CHCHD3: variants seen among roughly 807,000 people sequenced by gnomAD.
CHCHD3 encodes the protein coiled-coil-helix-coiled-coil-helix domain containing 3.
In CHCHD3, 20 loss-of-function variants were observed where a neutral mutation model predicts 38.2. That is an observed-to-expected ratio of 0.52 (90% CI 0.37 to 0.76). The LOEUF is 0.76. CHCHD3 is among the 30% of genes least tolerant of loss of function. The pLI, the probability that CHCHD3 is intolerant of heterozygous loss-of-function variation, is 0.00. For missense variants in CHCHD3, 245 were observed against 279.2 expected, an observed-to-expected ratio of 0.88 and a Z score of 0.87; for synonymous variants, 82 against 100.0, an observed-to-expected ratio of 0.82 and a Z score of 1.07.
At chr7:132,842,162 C>T (rs1387362300) in intron 5 of CHCHD3, among the ~76,000 whole-genome samples, 1 of 151,982 alleles carries the variant, frequency 6.6e-6, no homozygotes, top group Non-Finnish European at 1.5e-5. Context: ...CTCCCACCTC[C>T]CTCCAAAGGG....
At chr7:132,953,313 CG>C (rs1167942065) in intron 4 of CHCHD3, among the ~76,000 whole-genome samples, 4 of 152,164 alleles carry the variant, frequency 2.6e-5, no homozygotes, top group Non-Finnish European at 5.9e-5. Context: ...TGTCTACCTT[CG>C]GGGAGGCTCT....
chr7:132,936,800 G>A (rs1391601623), intron 4 of CHCHD3, among the ~76,000 whole-genome samples: 1 of 152,190 alleles, frequency 6.6e-6, no homozygotes, highest in Admixed American at 6.5e-5. Context: ...TGTCACCAGT[G>A]GCAAAGGGCT....
intron 6 of CHCHD3, among the ~76,000 whole-genome samples, chr7:132,836,631 TG>T (rs1807789355): frequency 6.6e-6 from 1 of 151,956 alleles, no homozygotes; most frequent in Non-Finnish European, 1.5e-5. Flanking sequence ...CCCCTACAAC[TG>T]GCTAATTTTT....
At chr7:132,911,288 C>T (rs1312849017) in intron 4 of CHCHD3, among the ~76,000 whole-genome samples, 2 of 152,110 alleles carry the variant, frequency 1.3e-5, no homozygotes, top group Non-Finnish European at 2.9e-5. Context: ...GATGACTGGC[C>T]ACCCCCATCT....
chr7:132,825,172 C>T (rs1249314520), intron 6 of CHCHD3, among the ~76,000 whole-genome samples: 1 of 151,990 alleles, frequency 6.6e-6, no homozygotes, highest in Non-Finnish European at 1.5e-5. Flanking sequence ...TCAAAGAGAC[C>T]CTTGATGAAT....
chr7:132,798,627 T>C (rs571075228), intron 6 of CHCHD3, among the ~76,000 whole-genome samples: 145 of 152,168 alleles, frequency 9.5e-4, no homozygotes, highest in African/African-American at 3.4e-3. Flanking sequence ...CTCCAATGTG[T>C]CTCAGATTTA....
intron 4 of CHCHD3, among the ~76,000 whole-genome samples, chr7:132,932,699 C>T (rs1004421881): frequency 6.6e-6 from 1 of 152,212 alleles, no homozygotes; most frequent in Non-Finnish European, 1.5e-5. Flanking sequence ...ATTATTAGCA[C>T]ATAAACCTTT....
intron 6 of CHCHD3, among the ~76,000 whole-genome samples, chr7:132,837,897 G>A (rs946746195): frequency 6.6e-6 from 1 of 152,172 alleles, no homozygotes; most frequent in Non-Finnish European, 1.5e-5. Flanking sequence ...ATTAAGAGAG[G>A]TAGCAATTTA....
intron 6 of CHCHD3, among the ~76,000 whole-genome samples, chr7:132,817,375 T>C (rs1807226640): frequency 6.6e-6 from 1 of 152,108 alleles, no homozygotes; most frequent in Admixed American, 6.5e-5. Flanking sequence ...GGAAAGTTTT[T>C]ATAGCATAAA....
At chr7:132,861,951 A>G (rs1408339466) in intron 5 of CHCHD3, among the ~76,000 whole-genome samples, 2 of 152,200 alleles carry the variant, frequency 1.3e-5, no homozygotes, top group South Asian at 2.1e-4. Flanking sequence ...AAATTGTATT[A>G]AAGAACTTAT....
rs142859629 is a variant in CHCHD3 at position 132,888,762 on chromosome 7, C to T, written c.370-3017G>A. On this transcript the variant is annotated intron_variant, in intron 4 of 7. Coordinates refer to ENST00000262570, the MANE Select transcript of CHCHD3 (RefSeq NM_017812.4). The stretch of plus-strand genomic sequence containing the variant: ...AGTAAGAGTCCTTGAAAGCTGATAT[C>T]GTAACAGAAAATTAATTTTTTAAAA... Among the ~76,000 whole-genome samples the T allele has an allele frequency of 3.4e-3, 520 of 151,650 alleles. 1 individual carries two copies. The highest frequency in any genetic ancestry group is 0.012 in the African/African-American group (498 of 41,382).
intron 6 of CHCHD3, among the ~76,000 whole-genome samples, chr7:132,822,607 A>G (rs1244193213): frequency 6.6e-6 from 1 of 152,100 alleles, no homozygotes; most frequent in Non-Finnish European, 1.5e-5. Flanking sequence ...ACCCTTATTA[A>G]CAACCCATGA....
intron 5 of CHCHD3, among the ~76,000 whole-genome samples, chr7:132,882,948 G>A (rs1304755300): frequency 6.6e-6 from 1 of 152,110 alleles, no homozygotes; most frequent in Non-Finnish European, 1.5e-5. Context: ...GAGGTAACTG[G>A]ATCATGGGTG....
chr7:132,785,904 G>A (rs1806304253), intron 7 of CHCHD3, among the ~76,000 whole-genome samples: 1 of 152,238 alleles, frequency 6.6e-6, no homozygotes, highest in East Asian at 1.9e-4. Flanking sequence ...AAGGCCGGGC[G>A]CAGTAGCTCA....
At chr7:132,884,371 T>C (rs796868854) in intron 5 of CHCHD3, among the ~76,000 whole-genome samples, 21 of 152,252 alleles carry the variant, frequency 1.4e-4, no homozygotes, top group African/African-American at 1.9e-4. Flanking sequence ...CCATACAATA[T>C]GTATTCTGGT....
chr7:133,072,054 T>TTCATCAA (rs1814833186), intron 1 of CHCHD3, among the ~76,000 whole-genome samples: 1 of 151,924 alleles, frequency 6.6e-6, no homozygotes, highest in South Asian at 2.1e-4. Context: ...AAGTGTTGAA[T>TTCATCAA]TGCTACTCGG....
intron 4 of CHCHD3, among the ~76,000 whole-genome samples, chr7:132,959,180 CCTAACTCCCAAATGAGCT>C (rs1025970883): frequency 2.0e-5 from 3 of 152,214 alleles, no homozygotes; most frequent in Non-Finnish European, 4.4e-5. Flanking sequence ...TCTACCTACA[CCTAACTCCCAAATGAGCT>C]CTAACTCCCA....
chr7:132,941,327 C>T, intron 4 of CHCHD3, among the ~76,000 whole-genome samples: 1 of 152,178 alleles, frequency 6.6e-6, no homozygotes, highest in Non-Finnish European at 1.5e-5. Flanking sequence ...CTAGGCCCCA[C>T]ATGGATGCTA....
chr7:132,872,821 G>A (rs1191429669), intron 5 of CHCHD3, among the ~76,000 whole-genome samples: 1 of 152,150 alleles, frequency 6.6e-6, no homozygotes, highest in African/African-American at 2.4e-5. Context: ...TAAAGAGGGG[G>A]AGGGCCGGAC....
Sources: allele counts gnomAD v4.1 joint callset (sites outside exome capture counted in the v4.1 genomes callset), GRCh38; gene constraint gnomAD v4.1.1; transcripts MANE v1.5; gene names NCBI Gene and HGNC (gene_info 2026-07-23, HGNC 2026-07-21).